Variants in HMMR observed in about 807,000 individuals in gnomAD.
The protein encoded by HMMR is intracellular hyaluronic acid-binding protein.
HMMR carries 108 observed loss-of-function variants against 101.0 expected under a neutral mutation model. The ratio of observed to expected loss-of-function variants is 1.07; its 90% CI spans 0.92 to 1.25. The LOEUF (loss-of-function observed/expected upper bound fraction) is 1.25, where lower values mean the gene tolerates loss of function less well. Ranked by LOEUF, HMMR falls within the 50% of genes most tolerant of loss-of-function variation. The probability of loss-of-function intolerance (pLI) is 0.00; values close to 1 mark genes in which losing one functional copy is unlikely to be tolerated. For synonymous variants in HMMR, 296 were observed against 276.4 expected (o/e 1.07, Z -0.70); for missense variants, 813 against 788.7 (o/e 1.03, Z -0.37).
intron 12 of HMMR, among the ~76,000 whole-genome samples, chr5:163,479,179 G>T (rs1581196969): frequency 6.6e-6 from 1 of 152,104 alleles, no homozygotes; most frequent in East Asian, 1.9e-4. Flanking sequence ...GAATTCAGAA[G>T]TTTTTATCTC....
At chr5:163,475,769 T>C (rs979323334) in intron 11 of HMMR, 97 bp downstream of exon 11, 4 of 511,164 alleles carry the variant, frequency 7.8e-6, no homozygotes, top group Non-Finnish European at 1.4e-5. Context: ...GTGAGCGTGT[T>C]AGGTTGGAAT....
chr5:163,460,650 G>A lies in HMMR; in HGVS notation c.-43G>A. On this transcript the variant is annotated 5_prime_UTR_variant, in exon 1 of 18. Coordinates refer to ENST00000393915, the MANE Select transcript of HMMR (RefSeq NM_001142556.2). ...GAGTGATAATCCGCATTCAGTTGTC[G>A]AGGAGTGCCAGTCACCTTCAGTTTC... 1.9e-6 allele frequency: 3 copies of A among 1,571,860 alleles called. No homozygotes were observed. The highest frequency in any genetic ancestry group is 1.8e-5 in the Admixed American group (1 of 55,536).
chr5:163,466,053 C>T (rs1461789560), intron 3 of HMMR, among the ~76,000 whole-genome samples: 1 of 151,416 alleles, frequency 6.6e-6, no homozygotes, highest in Non-Finnish European at 1.5e-5. Flanking sequence ...TGCTTGAGGT[C>T]AAGAGTTCGA....
chr5:163,467,301 C>T (rs1758735016), intron 3 of HMMR, among the ~76,000 whole-genome samples: 1 of 152,150 alleles, frequency 6.6e-6, no homozygotes, highest in South Asian at 2.1e-4. Context: ...TTCTTTGCAT[C>T]TGTATATTTT....
At chr5:163,485,353 A>T (rs1048439212) in intron 16 of HMMR, among the ~76,000 whole-genome samples, 6 of 152,018 alleles carry the variant, frequency 3.9e-5, no homozygotes, top group Non-Finnish European at 7.4e-5. Flanking sequence ...TTATTATCTG[A>T]CTTCTTTATC....
chr5:163,480,452 C>G (rs928296621), intron 12 of HMMR, among the ~76,000 whole-genome samples: 3 of 152,136 alleles, frequency 2.0e-5, no homozygotes, highest in Non-Finnish European at 4.4e-5. Context: ...GAATATACCA[C>G]AACTTATTTA....
intron 1 of HMMR, among the ~76,000 whole-genome samples, chr5:163,462,020 T>G (rs1296923258): frequency 6.6e-6 from 1 of 152,176 alleles, no homozygotes; most frequent in Admixed American, 6.5e-5. Flanking sequence ...TCAGCCAACG[T>G]GTGAATGAAA....
chr5:163,465,679 G>T (rs970917142), intron 3 of HMMR, among the ~76,000 whole-genome samples: 6 of 152,140 alleles, frequency 3.9e-5, no homozygotes, highest in Non-Finnish European at 8.8e-5. Context: ...GACAGCTGGG[G>T]GGCGCACAGT....
chr5:163,478,224 A>C (rs548907850), intron 11 of HMMR, among the ~76,000 whole-genome samples: 1 of 152,334 alleles, frequency 6.6e-6, no homozygotes, highest in Non-Finnish European at 1.5e-5. Context: ...ATAGAGTATT[A>C]TGTGGGTTAT....
intron 1 of HMMR, among the ~76,000 whole-genome samples, chr5:163,461,275 C>T (rs1013984586): frequency 6.6e-6 from 1 of 152,142 alleles, no homozygotes; most frequent in Non-Finnish European, 1.5e-5. Flanking sequence ...CGTACTAAGG[C>T]TTTACATCGA....
intron 12 of HMMR, among the ~76,000 whole-genome samples, chr5:163,482,250 G>T (rs759462278): frequency 3.3e-5 from 5 of 152,100 alleles, no homozygotes; most frequent in South Asian, 2.1e-4. Context: ...CCGTCTGTCC[G>T]CCAGGTAAGC....
intron 10 of HMMR, chr5:163,474,671 C>T (rs1581193952): frequency 4.6e-6 from 2 of 435,090 alleles, no homozygotes; most frequent in East Asian, 7.0e-5. Flanking sequence ...TAGAAAGATA[C>T]TCCACCTTAG....
chr5:163,467,633 AAAAC>A, intron 3 of HMMR, 64 bp from the exon 4 acceptor site: 4 of 868,122 alleles, frequency 4.6e-6, no homozygotes, highest in Non-Finnish European at 7.6e-6. Flanking sequence ...TGATAACTGA[AAAAC>A]AAATTTGGCT....
At position 163,482,640 on chromosome 5, in the gene HMMR, A is replaced by C. The variant is rs746919192; in HGVS notation, c.1386-2A>C. On this transcript the variant is annotated splice_acceptor_variant, in intron 12 of 17. Transcript: ENST00000393915. LOFTEE classifies it high-confidence loss of function. Reference sequence around the variant, plus strand: ...CTTTGACTTTTTTTTCTTTTTAATAAGCTATAAAGCGTTAACAGCCAGTGA... The same window carrying C: ...CTTTGACTTTTTTTTCTTTTTAATACGCTATAAAGCGTTAACAGCCAGTGA... 1 of 1,590,730 alleles carries C rather than the reference A, an allele frequency of 6.3e-7. No individual in the cohort carries two copies. Among genetic ancestry groups the C allele is most frequent in the East Asian group, 2.2e-5 (1 of 44,770 alleles).
chr5:163,483,093 C>CA lies in HMMR; in HGVS notation c.1612dup (p.Ile538AsnfsTer3). ...TAAAGAAATCACAGTTTCTTTTCTT[C>CA]AAAAAATAACTGATTTGCAGAACCA... On this transcript the variant is annotated frameshift_variant, in exon 14 of 18. Coordinates refer to ENST00000393915, the MANE Select transcript of HMMR (RefSeq NM_001142556.2). LOFTEE classifies it high-confidence loss of function. 1 of 1,612,148 alleles carries CA rather than the reference C, an allele frequency of 6.2e-7. No individual in the cohort carries two copies. Among genetic ancestry groups the CA allele is most frequent in the Non-Finnish European group, 8.5e-7 (1 of 1,178,870 alleles).
rs113298057 is a variant in HMMR at position 163,465,053 on chromosome 5, C to T, written c.225+251C>T. On this transcript the variant is annotated intron_variant, in intron 3 of 17. Coordinates refer to ENST00000393915, the MANE Select transcript of HMMR (RefSeq NM_001142556.2). ...CAATCACTTCTATGTTTAAATTGTT[C>T]ATTACCTAGTAAACATTTCAAAATT... is the stretch of plus-strand genomic sequence containing the variant. 1,155 of 408,378 alleles carry T rather than the reference C, an allele frequency of 2.8e-3. 14 individuals carry two copies. Among genetic ancestry groups the T allele is most frequent in the African/African-American group, 0.018 (897 of 48,806 alleles). The allele number at this position is 408,378 out of a possible 1,614,324, so 25.3% of individuals were successfully genotyped here. A position where few individuals can be genotyped will look rare whatever the true frequency, so the allele number is the denominator to read the frequency against.
At position 163,473,215 on chromosome 5, in the gene HMMR, T is replaced by G; in HGVS notation, c.687T>G (p.Ser229=). 1.9e-6 allele frequency: 3 copies of G among 1,574,020 alleles called. No homozygotes were observed. In the Admixed American group the frequency reaches 5.1e-5, roughly 27 times the overall value. Residue 229 remains serine, a synonymous_variant, in exon 8 of 18, where the codon TCT becomes TCG. Coordinates refer to ENST00000393915, the MANE Select transcript of HMMR (RefSeq NM_001142556.2). Reference sequence around the variant, plus strand: ...AGAAAGAAAAGATTGATGAAAAATCTGAAACAGAAAAACTCTTGGAATACA... The same window carrying G: ...AGAAAGAAAAGATTGATGAAAAATCGGAAACAGAAAAACTCTTGGAATACA... The part of the protein sequence containing the change: ...SIEKEKIDEK[S]ETEKLLEYIE...
At position 163,491,683 on chromosome 5, in the gene HMMR, A is replaced by C. The variant is rs1216174297; in HGVS notation, c.*519A>C. ...ACTTCATAGAAACCTCTCTATTTTT[A>C]ATCAGTTGTTTAATAATTTACAGGT... On this transcript the variant is annotated 3_prime_UTR_variant, in exon 18 of 18. Coordinates refer to ENST00000393915, the MANE Select transcript of HMMR (RefSeq NM_001142556.2). The C allele has an allele frequency of 1.3e-5, 2 of 152,270 alleles. No homozygotes were observed. The highest frequency in any genetic ancestry group is 6.5e-5 in the Admixed American group (1 of 15,298). The allele number at this position is 152,270 out of a possible 1,614,324, so 9.4% of individuals were successfully genotyped here. A position where few individuals can be genotyped will look rare whatever the true frequency, so the allele number is the denominator to read the frequency against.
chr5:163,486,078 C>T (rs773056291), intron 16 of HMMR, among the ~76,000 whole-genome samples: 1 of 152,160 alleles, frequency 6.6e-6, no homozygotes, highest in African/African-American at 2.4e-5. Flanking sequence ...AATCAGGAAG[C>T]GTGAGTCCTC....
Sources: gnomAD v4.1 joint callset for allele counts (sites outside exome capture counted in the v4.1 genomes callset) on GRCh38, gnomAD v4.1.1 for gene constraint, MANE v1.5 for transcripts, NCBI Gene and HGNC (gene_info 2026-07-23, HGNC 2026-07-21) for gene names.